Variants in PRELID2 observed in about 807,000 individuals in gnomAD.
PRELID2 encodes the protein PRELI domain containing 2.
A neutral mutation model predicts 28.4 loss-of-function variants in PRELID2; 25 were observed. The ratio of observed to expected loss-of-function variants is 0.88; its 90% CI spans 0.64 to 1.23. PRELID2 has a LOEUF of 1.23. Ranked by LOEUF, PRELID2 falls within the 50% of genes most tolerant of loss-of-function variation. The pLI, the probability that PRELID2 is intolerant of heterozygous loss-of-function variation, is 0.00. For synonymous variants in PRELID2, 76 were observed against 71.6 expected (o/e 1.06, Z -0.31); for missense variants, 201 against 214.4 (o/e 0.94, Z 0.39).
chr5:145,646,129 T>C (rs1754192341), intron 1 of PRELID2, among the ~76,000 whole-genome samples: 1 of 152,222 alleles, frequency 6.6e-6, no homozygotes, highest in Non-Finnish European at 1.5e-5. Flanking sequence ...AAGAGCATTT[T>C]CCAACTTGGT....
At chr5:145,375,335 G>A in the PRELID2 span, among the ~76,000 whole-genome samples, 6 of 152,090 alleles carry the variant, frequency 3.9e-5, no homozygotes, top group African/African-American at 1.4e-4. Flanking sequence ...TAATAGCAAA[G>A]ATGAGTGCCT....
intron 1 of PRELID2, among the ~76,000 whole-genome samples, chr5:145,612,072 A>G (rs1753624940): frequency 6.6e-6 from 1 of 152,210 alleles, no homozygotes; most frequent in Non-Finnish European, 1.5e-5. Flanking sequence ...TATTAGGACA[A>G]TTGGACATCC....
chr5:145,493,016 C>T lies in PRELID2; in HGVS notation n.71-19701G>A, dbSNP rs186005568. On this transcript the variant is annotated intron_variant and non_coding_transcript_variant, in intron 1 of 2. Transcript: ENST00000510259. Reference sequence around the variant, plus strand: ...TGCCCCAAGCTGATGGTATCTCTCTCAGCCACTATGCTGCTTAGGTTTGGG... The same window carrying T: ...TGCCCCAAGCTGATGGTATCTCTCTTAGCCACTATGCTGCTTAGGTTTGGG... Among the ~76,000 whole-genome samples, 286 of 140,998 alleles carry T rather than the reference C, an allele frequency of 2.0e-3. 23 individuals are homozygous for T. The highest frequency in any genetic ancestry group is 6.8e-3 in the African/African-American group (274 of 40,084). 92.5% of individuals were successfully genotyped at this position (140,998 alleles called of 152,430 possible).
chr5:145,644,121 C>T (rs780763497), intron 1 of PRELID2, among the ~76,000 whole-genome samples: 4 of 152,122 alleles, frequency 2.6e-5, no homozygotes, highest in African/African-American at 7.2e-5. Context: ...TGGTAGAATT[C>T]GGCTGTGAAT....
At chr5:145,438,356 C>A in the PRELID2 span, among the ~76,000 whole-genome samples, 5 of 152,040 alleles carry the variant, frequency 3.3e-5, no homozygotes, top group South Asian at 2.1e-4. Context: ...CTGCTGCATC[C>A]CCAAAGCCTA....
At chr5:145,478,710 A>G (rs1229206696) in intron 1 of PRELID2, among the ~76,000 whole-genome samples, 1 of 152,192 alleles carries the variant, frequency 6.6e-6, no homozygotes, top group Non-Finnish European at 1.5e-5. Context: ...TGTGACTGCT[A>G]TAAAGTTTAG....
At chr5:145,745,761 G>A (rs1351641748) in intron 1 of PRELID2, among the ~76,000 whole-genome samples, 1 of 151,952 alleles carries the variant, frequency 6.6e-6, no homozygotes, top group Non-Finnish European at 1.5e-5. Flanking sequence ...TACTCAGGAG[G>A]CTGAGGCAGG....
chr5:145,359,390 G>C, the PRELID2 span, among the ~76,000 whole-genome samples: 3 of 152,130 alleles, frequency 2.0e-5, no homozygotes, highest in African/African-American at 4.8e-5. Flanking sequence ...TCTCAATCAG[G>C]AATACGGCTG....
Position 145,611,636 on chromosome 5 carries a change from C to T in PRELID2, n.71-138321G>A, listed in dbSNP as rs558701502. Among the ~76,000 whole-genome samples the T allele has an allele frequency of 6.6e-5, 10 of 152,174 alleles. No individual in the cohort carries two copies. The South Asian group carries it at 2.1e-3, about 32-fold the overall frequency. On this transcript the variant is annotated intron_variant and non_coding_transcript_variant, in intron 1 of 2. Transcript: ENST00000510259. ...CATTGTATTATTGGATTAAACAATA[C>T]TTAATTAAATGAAAGAATATACTAT...
chr5:145,424,152 G>C, the PRELID2 span, among the ~76,000 whole-genome samples: 1 of 151,382 alleles, frequency 6.6e-6, no homozygotes, highest in Non-Finnish European at 1.5e-5. Context: ...TGTCAGACAG[G>C]GACATTTAAG....
At chr5:145,447,939 C>G in the PRELID2 span, among the ~76,000 whole-genome samples, 26 of 151,778 alleles carry the variant, frequency 1.7e-4, no homozygotes, top group Non-Finnish European at 3.2e-4. Flanking sequence ...CATACATGTG[C>G]ATGTGTCTTT....
At chr5:145,388,382 A>G in the PRELID2 span, among the ~76,000 whole-genome samples, 3 of 152,332 alleles carry the variant, frequency 2.0e-5, no homozygotes, top group South Asian at 4.1e-4. Context: ...TGTATCTAAC[A>G]CAACTAACAA....
At chr5:145,435,497 T>C in the PRELID2 span, among the ~76,000 whole-genome samples, 3 of 152,154 alleles carry the variant, frequency 2.0e-5, no homozygotes, top group Non-Finnish European at 2.9e-5. Context: ...AACAACACTT[T>C]CCACAGCTGG....
At chr5:145,414,001 T>C in the PRELID2 span, among the ~76,000 whole-genome samples, 1 of 152,170 alleles carries the variant, frequency 6.6e-6, no homozygotes, top group Admixed American at 6.6e-5. Context: ...TAAAAAGTAA[T>C]TGCTCTAAGA....
chr5:145,565,577 C>T (rs1752957617), intron 1 of PRELID2, among the ~76,000 whole-genome samples: 1 of 152,230 alleles, frequency 6.6e-6, no homozygotes, highest in South Asian at 2.1e-4. Flanking sequence ...AGCTGGCAGA[C>T]ATGTCAACTC....
At chr5:145,448,653 T>C in the PRELID2 span, among the ~76,000 whole-genome samples, 2 of 152,086 alleles carry the variant, frequency 1.3e-5, no homozygotes, top group Non-Finnish European at 2.9e-5. Context: ...TGTTAAGAGG[T>C]AGTGGAGCAT....
chr5:145,471,933 G>A (rs947267724), exon 3 of PRELID2: 2 of 152,128 alleles, frequency 1.3e-5, no homozygotes, highest in African/African-American at 4.8e-5. Flanking sequence ...CCAGTCTCAT[G>A]AAGGAGCTGA....
At chr5:145,626,873 GT>G (rs1378509484) in intron 1 of PRELID2, among the ~76,000 whole-genome samples, 1 of 151,954 alleles carries the variant, frequency 6.6e-6, no homozygotes, top group Non-Finnish European at 1.5e-5. Context: ...GCCAAGGCGG[GT>G]GGATCACCTG....
intron 1 of PRELID2, among the ~76,000 whole-genome samples, chr5:145,523,919 T>G (rs912118250): frequency 1.3e-5 from 2 of 152,160 alleles, no homozygotes; most frequent in African/African-American, 4.8e-5. Context: ...ATGACCACTT[T>G]TGTTTGAAAA....
Sources: allele counts gnomAD v4.1 joint callset (sites outside exome capture counted in the v4.1 genomes callset), GRCh38; gene constraint gnomAD v4.1.1; transcripts MANE v1.5; gene names NCBI Gene and HGNC (gene_info 2026-07-23, HGNC 2026-07-21).